Variants in MDGA2 observed in about 807,000 individuals in gnomAD.
MDGA2 encodes the protein MAM domain-containing glycosylphosphatidylinositol anchor protein 2.
Under a neutral mutation model 117.8 loss-of-function variants are expected in MDGA2, and 40 were observed. The observed-to-expected ratio is 0.34, with a 90% CI of 0.26 to 0.44. The LOEUF is 0.44. Among genes scored for constraint, MDGA2 ranks in the 20% least tolerant of loss-of-function variants. MDGA2 has a pLI of 1.00. For missense variants in MDGA2, 1,123 were observed against 1,250.6 expected (o/e 0.90, Z 1.54); for synonymous variants, 452 against 439.0 (o/e 1.03, Z -0.37).
intron 2 of MDGA2, among the ~76,000 whole-genome samples, chr14:47,245,677 A>G (rs1461859318): frequency 6.6e-6 from 1 of 151,892 alleles, no homozygotes; most frequent in Non-Finnish European, 1.5e-5. Context: ...AACTGTAGGT[A>G]CATAGTGGTA....
intron 1 of MDGA2, among the ~76,000 whole-genome samples, chr14:47,314,961 T>C (rs1324127707): frequency 6.6e-6 from 1 of 152,110 alleles, no homozygotes; most frequent in Non-Finnish European, 1.5e-5. Flanking sequence ...ACCTAGAGAC[T>C]TGTCTAGAGG....
At chr14:47,342,279 T>A (rs982685795) in intron 1 of MDGA2, among the ~76,000 whole-genome samples, 1 of 76,302 alleles carries the variant, frequency 1.3e-5, no homozygotes, top group South Asian at 6.4e-4. Context: ...TATATATATA[T>A]ATAAAATATG....
intron 2 of MDGA2, among the ~76,000 whole-genome samples, chr14:47,279,892 C>G (rs1888421043): frequency 6.6e-6 from 1 of 152,076 alleles, no homozygotes; most frequent in Non-Finnish European, 1.5e-5. Flanking sequence ...GAGATGGGAT[C>G]TCACTTTATT....
chr14:47,402,659 T>A (rs1175062135), intron 1 of MDGA2, among the ~76,000 whole-genome samples: 5 of 152,330 alleles, frequency 3.3e-5, no homozygotes, highest in African/African-American at 7.2e-5. Flanking sequence ...TGTGTTTTTT[T>A]AAATTTTTGC....
chr14:47,512,285 A>G (rs1894658246), intron 1 of MDGA2, among the ~76,000 whole-genome samples: 1 of 152,188 alleles, frequency 6.6e-6, no homozygotes, highest in South Asian at 2.1e-4. Flanking sequence ...GAATTTTTAA[A>G]AAGTGACCTT....
intron 8 of MDGA2, among the ~76,000 whole-genome samples, chr14:46,982,767 C>T (rs1279854883): frequency 6.8e-6 from 1 of 146,334 alleles, no homozygotes; most frequent in East Asian, 2.1e-4. Flanking sequence ...GACAATTTGA[C>T]TTCCCCTTTT....
intron 1 of MDGA2, among the ~76,000 whole-genome samples, chr14:47,457,731 G>C (rs938513123): frequency 6.6e-6 from 1 of 150,764 alleles, no homozygotes; most frequent in Admixed American, 6.6e-5. Context: ...ATCTTAGCCT[G>C]AGTCCGTCTA....
At chr14:47,102,370 C>G (rs201677847) in intron 5 of MDGA2, among the ~76,000 whole-genome samples, 1 of 8,402 alleles carries the variant, frequency 1.2e-4, no homozygotes, top group Non-Finnish European at 2.2e-4. Flanking sequence ...AGGAGAAACA[C>G]ACACACACAC....
chr14:47,449,045 T>C (rs892269742), intron 1 of MDGA2, among the ~76,000 whole-genome samples: 21 of 152,146 alleles, frequency 1.4e-4, no homozygotes, highest in African/African-American at 5.1e-4. Context: ...CTCCAGTTCT[T>C]TCCAGACGAA....
intron 1 of MDGA2, among the ~76,000 whole-genome samples, chr14:47,373,883 G>A (rs1008419518): frequency 1.3e-5 from 2 of 152,018 alleles, no homozygotes; most frequent in African/African-American, 4.8e-5. Context: ...CATGATAACT[G>A]TTTCTTAACA....
intron 1 of MDGA2, among the ~76,000 whole-genome samples, chr14:47,540,691 G>A (rs1053709161): frequency 1.3e-5 from 2 of 151,378 alleles, no homozygotes; most frequent in Admixed American, 6.6e-5. Context: ...AGCCTTCCAA[G>A]CTAGGACCAC....
At chr14:47,190,952 A>G (rs1885086123) in intron 3 of MDGA2, among the ~76,000 whole-genome samples, 2 of 152,224 alleles carry the variant, frequency 1.3e-5, no homozygotes, top group East Asian at 1.9e-4. Flanking sequence ...TTTTTTCTCT[A>G]TATAAGCTCA....
chr14:47,565,502 G>C (rs1895899634), intron 1 of MDGA2, among the ~76,000 whole-genome samples: 1 of 152,174 alleles, frequency 6.6e-6, no homozygotes, highest in African/African-American at 2.4e-5. Context: ...GAAACCTGCT[G>C]AGCTGGAGGG....
At chr14:47,230,775 T>G (rs1206245179) in intron 2 of MDGA2, among the ~76,000 whole-genome samples, 1 of 151,904 alleles carries the variant, frequency 6.6e-6, no homozygotes, top group African/African-American at 2.4e-5. Flanking sequence ...CAATAAGATA[T>G]GCGAAACTAA....
At chr14:46,954,003 T>A (rs1885465609) in intron 9 of MDGA2, among the ~76,000 whole-genome samples, 1 of 152,018 alleles carries the variant, frequency 6.6e-6, no homozygotes, top group Non-Finnish European at 1.5e-5. Context: ...AAACATCTTT[T>A]CTCTGCTATA....
At chr14:47,573,649 C>A (rs113035470) in intron 1 of MDGA2, among the ~76,000 whole-genome samples, 2,386 of 152,252 alleles carry the variant, frequency 0.016, 55 homozygotes, top group East Asian at 0.12. Flanking sequence ...TGATAAAGCA[C>A]CAAGTGGTAT....
At chr14:47,008,372 C>T (rs746304147) in intron 8 of MDGA2, among the ~76,000 whole-genome samples, 21 of 151,862 alleles carry the variant, frequency 1.4e-4, no homozygotes, top group Non-Finnish European at 2.4e-4. Context: ...TCCTAATTGG[C>T]TCATACAAGC....
At chr14:46,931,469 AGT>A (rs1179400621) in intron 9 of MDGA2, among the ~76,000 whole-genome samples, 1 of 150,814 alleles carries the variant, frequency 6.6e-6, no homozygotes, top group African/African-American at 2.4e-5. Context: ...TATAATTTTT[AGT>A]TATAATTTAG....
chr14:47,238,365 A>G lies in MDGA2; in HGVS notation c.421-20170T>C, dbSNP rs923234864. 4.6e-5 allele frequency among the ~76,000 whole-genome samples: 7 copies of G among 151,808 alleles called. No individual in the cohort carries two copies. In the East Asian group the frequency reaches 1.2e-3, roughly 25 times the overall value. On this transcript the variant is annotated intron_variant, in intron 2 of 16. Coordinates refer to ENST00000399232, the MANE Select transcript of MDGA2 (RefSeq NM_001113498.3). Reference sequence around the variant, plus strand: ...TTGCTTTATCCCAGCACAGTGCCTCACACTTAGTAGGTGGTTAATACTCAC... The same window carrying G: ...TTGCTTTATCCCAGCACAGTGCCTCGCACTTAGTAGGTGGTTAATACTCAC...
Sources: gnomAD v4.1 joint callset for allele counts (sites outside exome capture counted in the v4.1 genomes callset) on GRCh38, gnomAD v4.1.1 for gene constraint, MANE v1.5 for transcripts, NCBI Gene and HGNC (gene_info 2026-07-23, HGNC 2026-07-21) for gene names.